The following H2AZ1 variants were observed in gnomAD, a reference collection of about 807,000 sequenced individuals.
The protein encoded by H2AZ1 is histone H2A.Z.
H2AZ1 carries 3 observed loss-of-function variants against 16.6 expected under a neutral mutation model. The ratio of observed to expected loss-of-function variants is 0.18; its 90% confidence interval spans 0.08 to 0.47. The LOEUF (loss-of-function observed/expected upper bound fraction) is 0.47. H2AZ1 is among the 20% of genes least tolerant of loss of function. H2AZ1 has a pLI of 0.98. For missense variants in H2AZ1, 27 were observed against 163.6 expected, an observed-to-expected ratio of 0.17 and a Z score of 4.55; for synonymous variants, 78 against 60.7, an observed-to-expected ratio of 1.28 and a Z score of -1.32.
Position 99,948,411 on chromosome 4 carries a change from C to T in H2AZ1, c.*51G>A. 1.9e-6 allele frequency: 2 copies of T among 1,047,908 alleles called. No homozygotes were observed. Among genetic ancestry groups the T allele is most frequent in the Non-Finnish European group, 1.5e-6 (1 of 664,074 alleles). The allele number at this position is 1,047,908 out of a possible 1,614,324, so 64.9% of individuals were successfully genotyped here. ...GTCCACTGGAATCACCAACACTGGA[C>T]AGCTGTTAGAGTATTTAGAGTCCTG... On this transcript the variant is annotated 3_prime_UTR_variant, in exon 5 of 5. Coordinates refer to ENST00000296417, the MANE Select transcript of H2AZ1 (RefSeq NM_002106.4).
At chr4:99,949,212 C>T (rs1412330402) in intron 3 of H2AZ1, 61 bp downstream of exon 3, 67 of 997,326 alleles carry the variant, frequency 6.7e-5, no homozygotes, top group Non-Finnish European at 2.9e-5. Flanking sequence ...TTTCCTCCTT[C>T]CCTCTTGCCG....
intron 2 of H2AZ1, 108 bp downstream of exon 2, chr4:99,949,555 C>T (rs750181796): frequency 2.6e-6 from 3 of 1,148,312 alleles, no homozygotes; most frequent in South Asian, 1.2e-5. Flanking sequence ...AGTCGCGACA[C>T]CGCATCACCC....
chr4:99,950,133 C>A, intron 1 of H2AZ1, 35 bp downstream of exon 1: 2 of 1,606,146 alleles, frequency 1.2e-6, no homozygotes, highest in Non-Finnish European at 1.7e-6. Context: ...CCGGCAAAAA[C>A]CCGCGGAGTC....
intron 1 of H2AZ1, 129 bp downstream of exon 1, chr4:99,950,039 C>A (rs1315204198): frequency 2.3e-6 from 2 of 851,648 alleles, no homozygotes; most frequent in East Asian, 2.7e-5. Context: ...AACACCTCCC[C>A]CCACTCTTCT....
At chr4:99,949,427 G>T (rs575739939) in intron 2 of H2AZ1, 41 bp from the exon 3 acceptor site, 1 of 1,290,704 alleles carries the variant, frequency 7.7e-7, no homozygotes, top group South Asian at 1.2e-5. Flanking sequence ...GCACAAAAAT[G>T]AGAACTAGAG....
rs545237681 is a variant in H2AZ1, at chr4:99,948,633, C to A, written c.326-110G>T. The A allele has an allele frequency of 4.5e-5, 68 of 1,513,454 alleles. No individual in the cohort carries two copies. The African/African-American group carries it at 7.3e-4, about 16-fold the overall frequency. The allele number at this position is 1,513,454 out of a possible 1,614,324, so 93.8% of individuals were successfully genotyped here. A position where few individuals can be genotyped will look rare whatever the true frequency, so the allele number is the denominator to read the frequency against. The stretch of plus-strand genomic sequence containing the variant: ...CTTGAAAGGTATCTTTAAAAACATG[C>A]AGCTCAAGTATGAAGTAAAAATTCA... On this transcript the variant is annotated intron_variant, in intron 4 of 4. Coordinates refer to ENST00000296417, the MANE Select transcript of H2AZ1 (RefSeq NM_002106.4).
rs1727183350 is a variant in H2AZ1, at chr4:99,948,349, T to TACAA, written c.*109_*112dup. Reference sequence around the variant, plus strand: ...AACTTCCAACTTGCTCAAATAGAATTACAAAAAGGCAAAATTGTGTTTTTC... The same window carrying TACAA: ...AACTTCCAACTTGCTCAAATAGAATTACAAACAAAAAGGCAAAATTGTGTTTTTC... On this transcript the variant is annotated 3_prime_UTR_variant, in exon 5 of 5. Coordinates refer to ENST00000296417, the MANE Select transcript of H2AZ1 (RefSeq NM_002106.4). 4 of 786,322 alleles carry TACAA rather than the reference T, an allele frequency of 5.1e-6. No homozygotes were observed. In the South Asian group the frequency reaches 5.6e-5, roughly 11 times the overall value. The allele number at this position is 786,322 out of a possible 1,614,324, so 48.7% of individuals were successfully genotyped here.
At chr4:99,949,248 G>C in intron 3 of H2AZ1, 25 bp downstream of exon 3, 2 of 1,368,302 alleles carry the variant, frequency 1.5e-6, no homozygotes, top group Non-Finnish European at 2.1e-6. Context: ...AACCTTCTCC[G>C]GATTATAGGC....
chr4:99,949,112 C>T (rs1727208579), intron 3 of H2AZ1, 161 bp downstream of exon 3: 1 of 667,682 alleles, frequency 1.5e-6, no homozygotes, highest in Non-Finnish European at 2.7e-6. Context: ...AGAACTCAAG[C>T]TCAGTAGGAT....
At chr4:99,949,955 A>T in intron 1 of H2AZ1, 1 of 234,834 alleles carries the variant, frequency 4.3e-6, no homozygotes, top group East Asian at 1.1e-4. Context: ...GCCGGCCCCC[A>T]GCGGCGCTGC....
intron 3 of H2AZ1, 49 bp from the exon 4 acceptor site, chr4:99,948,989 A>G: frequency 8.9e-7 from 1 of 1,125,376 alleles, no homozygotes; most frequent in Admixed American, 1.7e-5. Flanking sequence ...TTTGGCCAAG[A>G]TTCAGAGAAC....
chr4:99,950,079 C>T, intron 1 of H2AZ1, 89 bp downstream of exon 1: 2 of 1,290,572 alleles, frequency 1.5e-6, no homozygotes, highest in Non-Finnish European at 2.2e-6. Flanking sequence ...TCCCAACCGT[C>T]GCCACTTCAC....
intron 1 of H2AZ1, 128 bp downstream of exon 1, chr4:99,950,040 C>T: frequency 2.3e-6 from 2 of 855,668 alleles, no homozygotes; most frequent in South Asian, 3.0e-5. Context: ...ACACCTCCCC[C>T]CACTCTTCTA....
chr4:99,949,013 C>CACA, intron 3 of H2AZ1, 73 bp from the exon 4 acceptor site: 1 of 927,030 alleles, frequency 1.1e-6, no homozygotes. Context: ...ATAAAACCCT[C>CACA]ACAAACGCAG....
chr4:99,948,788 T>C (rs1727201829), intron 4 of H2AZ1, 23 bp downstream of exon 4: 2 of 1,576,148 alleles, frequency 1.3e-6, no homozygotes, highest in Non-Finnish European at 1.7e-6. Context: ...AGAAATTTTT[T>C]AAAATGTTAG....
rs1294228678 is a variant in H2AZ1 at position 99,950,179 on chromosome 4, C to A, written c.-9G>T. On this transcript the variant is annotated 5_prime_UTR_variant, in exon 1 of 5. Transcript: ENST00000296417. ...TCTGCGAAGTTTACCATTTCGAATT[C>A]CGCTGAAGCTCAAGCAAGCAAGGCA... The A allele has an allele frequency of 1.2e-6, 2 of 1,608,928 alleles. No individual in the cohort carries two copies. Among genetic ancestry groups the A allele is most frequent in the Non-Finnish European group, 1.7e-6 (2 of 1,177,640 alleles).
chr4:99,949,506 G>A (rs771352023), intron 2 of H2AZ1, 120 bp from the exon 3 acceptor site: 17 of 974,572 alleles, frequency 1.7e-5, no homozygotes, highest in Admixed American at 3.6e-5. Context: ...ATCGAAACAC[G>A]TGATTCCTCC....
At chr4:99,949,847 C>G (rs1335607100) in intron 1 of H2AZ1, 107 bp from the exon 2 acceptor site, 3 of 760,672 alleles carry the variant, frequency 3.9e-6, no homozygotes, top group Non-Finnish European at 5.9e-6. Flanking sequence ...AGCGCGTCCC[C>G]GCACCCTGCC....
At chr4:99,949,010 C>T in intron 3 of H2AZ1, 70 bp from the exon 4 acceptor site, 3 of 947,578 alleles carry the variant, frequency 3.2e-6, no homozygotes, top group Non-Finnish European at 5.1e-6. Flanking sequence ...AGAATAAAAC[C>T]CTCACAAACG....
Sources: gnomAD v4.1 joint callset for allele counts on GRCh38, gnomAD v4.1.1 for gene constraint, MANE v1.5 for transcripts, NCBI Gene and HGNC (gene_info 2026-07-23, HGNC 2026-07-21) for gene names.